RGS17: variants seen among roughly 807,000 people sequenced by gnomAD.
The protein encoded by RGS17 is regulator of G-protein signaling 17.
RGS17 carries 12 observed loss-of-function variants against 25.5 expected under a neutral mutation model. The observed-to-expected ratio is 0.47, with a 90% CI of 0.30 to 0.76. The LOEUF is 0.76. Ranked by LOEUF, RGS17 falls within the 30% of genes least tolerant of loss-of-function variation. RGS17 has a pLI of 0.07. For missense variants in RGS17, 196 were observed against 242.2 expected, an observed-to-expected ratio of 0.81 and a Z score of 1.27; for synonymous variants, 71 against 76.9, an observed-to-expected ratio of 0.92 and a Z score of 0.40.
intron 4 of RGS17, among the ~76,000 whole-genome samples, chr6:153,019,855 A>T (rs928177478): frequency 6.6e-6 from 1 of 152,012 alleles, no homozygotes; most frequent in Admixed American, 6.6e-5. Context: ...TTGGCCTAAC[A>T]CATCTTTTCA....
At chr6:153,070,457 G>T (rs866587954) in intron 1 of RGS17, among the ~76,000 whole-genome samples, 4 of 151,954 alleles carry the variant, frequency 2.6e-5, no homozygotes, top group Admixed American at 2.0e-4. Flanking sequence ...TATACAAGTT[G>T]GCTCTCCATA....
intron 2 of RGS17, among the ~76,000 whole-genome samples, chr6:153,027,180 G>A (rs1779312159): frequency 6.6e-6 from 1 of 152,160 alleles, no homozygotes; most frequent in Non-Finnish European, 1.5e-5. Flanking sequence ...GGTGAGCATT[G>A]GGTGGGAGGG....
At chr6:153,063,158 CACAG>C (rs1335747891) in intron 1 of RGS17, among the ~76,000 whole-genome samples, 3 of 152,118 alleles carry the variant, frequency 2.0e-5, no homozygotes, top group Admixed American at 6.6e-5. Context: ...AATGCCCAGA[CACAG>C]ACAAACATCT....
At chr6:153,087,786 CT>C (rs1777072219) in intron 1 of RGS17, among the ~76,000 whole-genome samples, 1 of 152,148 alleles carries the variant, frequency 6.6e-6, no homozygotes, top group Non-Finnish European at 1.5e-5. Flanking sequence ...AAGAAGCCTT[CT>C]CCATCCCTGG....
At chr6:153,021,407 A>G (rs1452081478) in intron 4 of RGS17, among the ~76,000 whole-genome samples, 1 of 152,246 alleles carries the variant, frequency 6.6e-6, no homozygotes, top group Non-Finnish European at 1.5e-5. Context: ...AGTGAGGTAC[A>G]TAATAGATTG....
At chr6:153,039,829 G>C (rs191468355) in intron 2 of RGS17, among the ~76,000 whole-genome samples, 61 of 152,296 alleles carry the variant, frequency 4.0e-4, no homozygotes, top group Non-Finnish European at 8.8e-5. Flanking sequence ...TCACATGTGA[G>C]CATCTGAACA....
chr6:153,039,738 T>C (rs1776299303), intron 2 of RGS17, among the ~76,000 whole-genome samples: 1 of 152,206 alleles, frequency 6.6e-6, no homozygotes, highest in South Asian at 2.1e-4. Flanking sequence ...GCTCTGCCTT[T>C]CCTATGGCCA....
chr6:153,092,367 G>A (rs1056861913), intron 1 of RGS17, among the ~76,000 whole-genome samples: 1 of 152,198 alleles, frequency 6.6e-6, no homozygotes, highest in Admixed American at 6.5e-5. Flanking sequence ...AGTCAAAAGA[G>A]AGTTTGCTGT....
intron 1 of RGS17, among the ~76,000 whole-genome samples, chr6:153,094,938 T>C (rs374575534): frequency 1.1e-4 from 16 of 152,136 alleles, no homozygotes; most frequent in Non-Finnish European, 7.4e-5. Context: ...TAATTGTGAA[T>C]TGAATTTTGT....
intron 1 of RGS17, among the ~76,000 whole-genome samples, chr6:153,093,160 G>A (rs1777156689): frequency 6.6e-6 from 1 of 151,988 alleles, no homozygotes; most frequent in African/African-American, 2.4e-5. Context: ...TTCTAATTTT[G>A]AATAGTCATT....
rs1244614638 is a variant in RGS17 at position 153,006,002 on chromosome 6, A to G, written c.*5572T>C. The G allele has an allele frequency of 6.6e-6, 1 of 152,156 alleles. No homozygotes were observed. Among genetic ancestry groups the G allele is most frequent in the East Asian group, 1.9e-4 (1 of 5,196 alleles). The allele number at this position is 152,156 out of a possible 1,614,324, so 9.4% of individuals were successfully genotyped here. A position where few individuals can be genotyped will look rare whatever the true frequency, so the allele number is the denominator to read the frequency against. On this transcript the variant is annotated 3_prime_UTR_variant, in exon 5 of 5. Coordinates refer to ENST00000206262, the MANE Select transcript of RGS17 (RefSeq NM_012419.5). ...TAAAAGGTTTAATGGACACATTACT[A>G]TTTTAAATTTTATACATTTTATTTT...
chr6:153,116,790 T>C (rs1777553391), intron 1 of RGS17, among the ~76,000 whole-genome samples: 1 of 152,180 alleles, frequency 6.6e-6, no homozygotes. Context: ...TGGATGAAGC[T>C]AGAAACCATC....
chr6:153,035,189 G>A (rs1776223580), intron 2 of RGS17, among the ~76,000 whole-genome samples: 1 of 151,812 alleles, frequency 6.6e-6, no homozygotes, highest in Non-Finnish European at 1.5e-5. Context: ...TACACAAAGT[G>A]TCAGTGACAG....
chr6:153,106,559 G>A (rs1266586833), intron 1 of RGS17, among the ~76,000 whole-genome samples: 1 of 151,058 alleles, frequency 6.6e-6, no homozygotes, highest in Non-Finnish European at 1.5e-5. Context: ...TCACTGTTTT[G>A]TAAGGCAACT....
chr6:153,121,827 A>G (rs901731103), intron 1 of RGS17, among the ~76,000 whole-genome samples: 4 of 152,164 alleles, frequency 2.6e-5, no homozygotes, highest in Non-Finnish European at 5.9e-5. Context: ...ATTTAACATA[A>G]CCTATGTTAG....
chr6:153,018,273 T>C lies in RGS17; in HGVS notation c.444+5989A>G, dbSNP rs1373786997. On this transcript the variant is annotated intron_variant, in intron 4 of 4. Coordinates refer to ENST00000206262, the MANE Select transcript of RGS17 (RefSeq NM_012419.5). ...ACATCAGGAAGAAAATATTAGGCAA[T>C]GGAAGAATTAATCAGCATGGTATAT... 2.0e-5 allele frequency among the ~76,000 whole-genome samples: 3 copies of C among 152,176 alleles called. No homozygotes were observed. In the East Asian group the frequency reaches 5.8e-4, roughly 29 times the overall value.
chr6:153,011,539 C>A lies in RGS17; in HGVS notation c.*35G>T. The stretch of plus-strand genomic sequence containing the variant: ...TTATTTAACTACTTTTATTTCCCAT[C>A]TCAGCCCTCCAAAATGATTGTTTTT... On this transcript the variant is annotated 3_prime_UTR_variant, in exon 5 of 5. Transcript: ENST00000206262. The A allele has an allele frequency of 6.9e-7, 1 of 1,448,482 alleles. No individual in the cohort carries two copies. The highest frequency in any genetic ancestry group is 1.4e-5 in the African/African-American group (1 of 70,460). The allele number at this position is 1,448,482 out of a possible 1,614,324, so 89.7% of individuals were successfully genotyped here.
At chr6:153,032,560 A>T (rs1776164861) in intron 2 of RGS17, among the ~76,000 whole-genome samples, 1 of 130,834 alleles carries the variant, frequency 7.6e-6, no homozygotes, top group African/African-American at 3.1e-5. Context: ...TTCTGCGGGT[A>T]AATACCCTTA....
chr6:153,017,147 C>T (rs746898834), intron 4 of RGS17, among the ~76,000 whole-genome samples: 3 of 152,102 alleles, frequency 2.0e-5, no homozygotes, highest in Non-Finnish European at 4.4e-5. Context: ...AAAGCACTAC[C>T]CTTGTGAGAC....
Sources: allele counts gnomAD v4.1 joint callset (sites outside exome capture counted in the v4.1 genomes callset), GRCh38; gene constraint gnomAD v4.1.1; transcripts MANE v1.5; gene names NCBI Gene and HGNC (gene_info 2026-07-23, HGNC 2026-07-21).